The following SDHA variants were observed in gnomAD, a reference collection of about 807,000 sequenced individuals.
SDHA encodes the protein succinate dehydrogenase [ubiquinone] flavoprotein subunit, mitochondrial.
A neutral mutation model predicts 78.4 loss-of-function variants in SDHA; 48 were observed. That is an observed-to-expected ratio of 0.61 (90% CI 0.49 to 0.78). The LOEUF (loss-of-function observed/expected upper bound fraction) is 0.78. Among genes scored for constraint, SDHA ranks in the 30% least tolerant of loss-of-function variants. The pLI, the probability that SDHA is intolerant of heterozygous loss-of-function variation, is 0.00. For missense variants in SDHA, 680 were observed against 892.7 expected (o/e 0.76, Z 3.04); for synonymous variants, 326 against 353.9 (o/e 0.92, Z 0.88).
the SDHA span, among the ~76,000 whole-genome samples, chr5:264,008 C>G: frequency 6.6e-6 from 1 of 152,120 alleles, no homozygotes; most frequent in Non-Finnish European, 1.5e-5. Context: ...AACATTAATT[C>G]GTACAGTGGG....
intron 1 of SDHA, 111 bp downstream of exon 1, chr5:218,529 C>A: frequency 1.2e-6 from 1 of 847,024 alleles, no homozygotes; most frequent in Non-Finnish European, 1.6e-6. Flanking sequence ...CCTGCGCCCT[C>A]TGTCCCGGGA....
chr5:234,732 C>A, intron 8 of SDHA: 1 of 301,550 alleles, frequency 3.3e-6, no homozygotes, highest in Non-Finnish European at 6.5e-6. Flanking sequence ...AGGTTATATG[C>A]AAATACTCTC....
rs1345480383 is a variant in SDHA, at chr5:218,328, GC to G, written c.-27del. 6.9e-7 allele frequency: 1 copy of G among 1,443,114 alleles called. No homozygotes were observed. Among genetic ancestry groups the G allele is most frequent in the Admixed American group, 2.7e-5 (1 of 37,266 alleles). The allele number at this position is 1,443,114 out of a possible 1,614,324, so 89.4% of individuals were successfully genotyped here. On this transcript the variant is annotated 5_prime_UTR_variant, in exon 1 of 15. Transcript: ENST00000264932. Reference sequence around the variant, plus strand: ...GCAGGCGCAGTCTGCGCAGGGACTGGCGGGACTGCGCGGCGGCAACAGCAGA... The same window carrying G: ...GCAGGCGCAGTCTGCGCAGGGACTGGGGGACTGCGCGGCGGCAACAGCAGA...
At chr5:253,342 C>T (rs1736976075) in intron 13 of SDHA, among the ~76,000 whole-genome samples, 2 of 152,226 alleles carry the variant, frequency 1.3e-5, no homozygotes, top group African/African-American at 2.4e-5. Flanking sequence ...GTGATCACTG[C>T]TCAGAACTTG....
chr5:262,552 G>T, the SDHA span, among the ~76,000 whole-genome samples: 1 of 136,154 alleles, frequency 7.3e-6, no homozygotes, highest in Non-Finnish European at 1.6e-5. Flanking sequence ...TAATGCTGAT[G>T]ATCTGAGATG....
intron 11 of SDHA, among the ~76,000 whole-genome samples, chr5:246,554 T>C (rs10462754): frequency 0.24 from 36,505 of 151,854 alleles, 6,869 homozygotes; most frequent in African/African-American, 0.53. Context: ...GTAAATAGAA[T>C]AGTTCCAGAG....
intron 8 of SDHA, 100 bp downstream of exon 8, chr5:233,745 G>A (rs1257578969): frequency 1.0e-5 from 12 of 1,190,962 alleles, no homozygotes; most frequent in African/African-American, 7.5e-5. Context: ...GTGTGCAGGC[G>A]CATGTGCACA....
Position 252,067 on chromosome 5 carries a change from T to C in SDHA, c.1794+599T>C, listed in dbSNP as rs193190384. 6.5e-4 allele frequency among the ~76,000 whole-genome samples: 97 copies of C among 148,976 alleles called. 4 individuals carry two copies. In the East Asian group the frequency reaches 0.017, roughly 26 times the overall value. ...GCCCTGTGGTGGAAATGCCAGTTTATTAAATAACGAGTAAGCCACTGTTTC... is the reference window on the plus strand; with the variant it reads ...GCCCTGTGGTGGAAATGCCAGTTTACTAAATAACGAGTAAGCCACTGTTTC... On this transcript the variant is annotated intron_variant, in intron 13 of 14. Transcript: ENST00000264932.
At chr5:261,722 C>G (rs1450208736), downstream of SDHA, among the ~76,000 whole-genome samples, 1 of 23,398 alleles carries the variant, frequency 4.3e-5, no homozygotes, top group Non-Finnish European at 8.6e-5. Flanking sequence ...AGAGCATTAC[C>G]GTGTGAGCTC....
chr5:260,065 A>G (rs1737429627), downstream of SDHA, among the ~76,000 whole-genome samples: 1 of 36,594 alleles, frequency 2.7e-5, no homozygotes, highest in Non-Finnish European at 4.7e-5. Context: ...TTACCGTGTG[A>G]GCTCCGCCTC....
intron 11 of SDHA, chr5:250,687 T>C (rs1312121670): frequency 2.6e-6 from 1 of 387,268 alleles, no homozygotes; most frequent in East Asian, 6.2e-5. Context: ...CGTGGAGCTG[T>C]ATGGAACATG....
At chr5:248,549 A>T (rs576903944) in intron 11 of SDHA, among the ~76,000 whole-genome samples, 2 of 152,316 alleles carry the variant, frequency 1.3e-5, no homozygotes, top group Admixed American at 6.5e-5. Context: ...TCACTCTATG[A>T]TGCAGTTACA....
chr5:233,743 G>A, intron 8 of SDHA, 98 bp downstream of exon 8: 2 of 1,231,156 alleles, frequency 1.6e-6, no homozygotes, highest in South Asian at 2.4e-5. Context: ...TCGTGTGCAG[G>A]CGCATGTGCA....
At chr5:230,756 G>C in intron 6 of SDHA, 120 bp from the exon 7 acceptor site, 1 of 1,335,014 alleles carries the variant, frequency 7.5e-7, no homozygotes, top group Non-Finnish European at 1.1e-6. Flanking sequence ...GTAGGGGGTT[G>C]TGTGTGCACA....
intron 3 of SDHA, among the ~76,000 whole-genome samples, chr5:225,149 G>A (rs933143065): frequency 7.2e-5 from 11 of 152,176 alleles, no homozygotes; most frequent in African/African-American, 2.7e-4. Flanking sequence ...TTCACTCACT[G>A]CTCCAGTCAG....
intron 11 of SDHA, among the ~76,000 whole-genome samples, chr5:248,269 A>T (rs62344336): frequency 0.034 from 5,172 of 152,312 alleles, 165 homozygotes; most frequent in Middle Eastern, 0.058. Flanking sequence ...AGCCATGTCA[A>T]GACTGATGCT....
intron 11 of SDHA, among the ~76,000 whole-genome samples, chr5:247,935 CAA>C: frequency 1.3e-5 from 2 of 152,242 alleles, no homozygotes; most frequent in East Asian, 3.9e-4. Context: ...ACAGCAGCTG[CAA>C]AAGTAAAAGG....
At chr5:251,680 G>C (rs1736845503) in intron 13 of SDHA, 10 of 1,498,636 alleles carry the variant, frequency 6.7e-6, no homozygotes, top group Non-Finnish European at 8.9e-6. Flanking sequence ...GGCATCCACT[G>C]ATGCCAGCAG....
intron 3 of SDHA, among the ~76,000 whole-genome samples, 194 bp from the exon 4 acceptor site, chr5:225,225 C>G (rs1734936994): frequency 6.6e-6 from 1 of 152,134 alleles, no homozygotes; most frequent in South Asian, 2.1e-4. Context: ...GATGGAATCA[C>G]TGGGCGAGTC....
Sources: allele counts gnomAD v4.1 joint callset (sites outside exome capture counted in the v4.1 genomes callset), GRCh38; gene constraint gnomAD v4.1.1; transcripts MANE v1.5; gene names NCBI Gene and HGNC (gene_info 2026-07-23, HGNC 2026-07-21).